Variants in ADAMTSL1 observed in about 807,000 individuals in gnomAD.
ADAMTSL1 encodes ADAMTS-like protein 1.
Under a neutral mutation model 201.8 loss-of-function variants are expected in ADAMTSL1, and 126 were observed. That is an observed-to-expected ratio of 0.62 (90% confidence interval 0.54 to 0.72). The LOEUF is 0.72. ADAMTSL1 is among the 30% of genes least tolerant of loss of function. The probability of loss-of-function intolerance (pLI) is 0.00; values close to 1 mark genes in which losing one functional copy is unlikely to be tolerated. For synonymous variants in ADAMTSL1, 1,121 were observed against 903.4 expected (o/e 1.24, Z -4.32); for missense variants, 2,679 against 2,277.8 (o/e 1.18, Z -3.59).
rs372362341 is a variant in ADAMTSL1, at chr9:18,753,484, C to G, written c.2193C>G (p.Ala731=). ...GTAACCGCTTTAATTGCCCCCCAGC[C>G]TGGTACCCTGCACAGTGGCAGCCGG... ...QACNRFNCPP[A]WYPAQWQPCS... Residue 731 remains alanine (A), a synonymous_variant, in exon 16 of 29, where the codon GCC becomes GCG. Transcript: ENST00000380548. 4.5e-5 allele frequency: 72 copies of G among 1,612,782 alleles called. No individual in the cohort carries two copies. The East Asian group carries it at 1.2e-3, about 28-fold the overall frequency.
intron 3 of ADAMTSL1, among the ~76,000 whole-genome samples, chr9:18,544,478 G>A (rs1164384104): frequency 1.3e-5 from 2 of 152,054 alleles, no homozygotes; most frequent in Non-Finnish European, 2.9e-5. Context: ...TATACTTAAA[G>A]GGCCATAGGA....
chr9:18,826,217 C>T (rs1824546627), intron 21 of ADAMTSL1, 67 bp from the exon 22 acceptor site: 2 of 1,541,116 alleles, frequency 1.3e-6, no homozygotes, highest in Non-Finnish European at 8.8e-7. Context: ...GCTATAAATG[C>T]CTCTGGGCTC....
At chr9:18,054,282 G>A (rs143340260) in intron 1 of ADAMTSL1, among the ~76,000 whole-genome samples, 197 of 152,208 alleles carry the variant, frequency 1.3e-3, no homozygotes, top group African/African-American at 4.2e-3. Context: ...CTGAGAAAAC[G>A]TCTATTCAAA....
chr9:18,843,049 T>G (rs1402385228), intron 23 of ADAMTSL1, among the ~76,000 whole-genome samples: 4 of 152,090 alleles, frequency 2.6e-5, no homozygotes, highest in Admixed American at 2.0e-4. Context: ...AAGTTAATAT[T>G]GTTATGTGTG....
chr9:18,885,027 G>A (rs999612170), intron 23 of ADAMTSL1, among the ~76,000 whole-genome samples: 1 of 152,096 alleles, frequency 6.6e-6, no homozygotes, highest in South Asian at 2.1e-4. Context: ...AACATGAGAT[G>A]TCCTCCCATG....
chr9:18,240,963 T>G (rs1312759681), intron 2 of ADAMTSL1, among the ~76,000 whole-genome samples: 1 of 152,220 alleles, frequency 6.6e-6, no homozygotes, highest in Non-Finnish European at 1.5e-5. Flanking sequence ...TGAAGAGAGT[T>G]AGGGCCTTGC....
chr9:18,624,389 G>T (rs1345386646), intron 5 of ADAMTSL1, among the ~76,000 whole-genome samples: 1 of 152,128 alleles, frequency 6.6e-6, no homozygotes, highest in Non-Finnish European at 1.5e-5. Context: ...TTGGATGTTA[G>T]AAAAGAGTTA....
chr9:18,866,304 A>G (rs1563871556), intron 23 of ADAMTSL1, among the ~76,000 whole-genome samples: 1 of 152,140 alleles, frequency 6.6e-6, no homozygotes, highest in African/African-American at 2.4e-5. Context: ...GGCAATCCAT[A>G]GAGAGCACTG....
chr9:18,230,460 A>T (rs1587359585), intron 2 of ADAMTSL1, among the ~76,000 whole-genome samples: 1 of 152,140 alleles, frequency 6.6e-6, no homozygotes, highest in Non-Finnish European at 1.5e-5. Flanking sequence ...AAATACTGTT[A>T]TACTTGGGGA....
In ADAMTSL1 at chr9:18,777,241, C is replaced by T. The variant is rs114419702; in HGVS notation, c.3012C>T (p.Asn1004=). 3.6e-3 allele frequency: 5,861 copies of T among 1,612,530 alleles called. 182 individuals carry two copies. The African/African-American group carries it at 0.068, about 19-fold the overall frequency. The change falls in exon 19 of 29, where the codon AAC becomes AAT. Residue 1004 remains asparagine (N), a synonymous_variant. Coordinates refer to ENST00000380548, the MANE Select transcript of ADAMTSL1 (RefSeq NM_001040272.6). Reference sequence around the variant, plus strand: ...AACACCAGAACGGGATCTTCTCCAACGGCAGCAAGGCGGAGAAGCGGGGCC... The same window carrying T: ...AACACCAGAACGGGATCTTCTCCAATGGCAGCAAGGCGGAGAAGCGGGGCC... ...THKHQNGIFS[N]GSKAEKRGLA...
At chr9:18,840,378 C>G (rs1471309712) in intron 23 of ADAMTSL1, among the ~76,000 whole-genome samples, 1 of 152,136 alleles carries the variant, frequency 6.6e-6, no homozygotes. Context: ...GGACTCTGTT[C>G]TGTTCCATTG....
intron 2 of ADAMTSL1, among the ~76,000 whole-genome samples, chr9:18,382,342 C>T (rs1478047331): frequency 6.6e-6 from 1 of 152,186 alleles, no homozygotes; most frequent in African/African-American, 2.4e-5. Context: ...TGCCACATCT[C>T]ACAGTCTTAT....
intron 3 of ADAMTSL1, among the ~76,000 whole-genome samples, chr9:18,544,044 G>T (rs1316330220): frequency 6.6e-6 from 1 of 152,228 alleles, no homozygotes; most frequent in South Asian, 2.1e-4. Flanking sequence ...ATACAGGCTT[G>T]GGGGCTCTGT....
At chr9:18,173,703 T>C (rs1201155209) in intron 2 of ADAMTSL1, among the ~76,000 whole-genome samples, 2 of 152,140 alleles carry the variant, frequency 1.3e-5, no homozygotes, top group African/African-American at 4.8e-5. Flanking sequence ...AGACAGATTT[T>C]TAGGCTCAGA....
At chr9:18,603,218 A>G (rs1824775302) in intron 4 of ADAMTSL1, among the ~76,000 whole-genome samples, 1 of 152,070 alleles carries the variant, frequency 6.6e-6, no homozygotes, top group Non-Finnish European at 1.5e-5. Context: ...TGGAGGTATG[A>G]TTGGTACCAT....
chr9:18,058,765 C>T (rs1443490712), intron 1 of ADAMTSL1, among the ~76,000 whole-genome samples: 1 of 152,134 alleles, frequency 6.6e-6, no homozygotes, highest in Non-Finnish European at 1.5e-5. Context: ...TGTGTCTCTA[C>T]ACCATTTTCT....
At chr9:18,461,551 A>T (rs911457363) in intron 2 of ADAMTSL1, among the ~76,000 whole-genome samples, 6 of 152,072 alleles carry the variant, frequency 3.9e-5, no homozygotes, top group African/African-American at 1.4e-4. Flanking sequence ...ACATAGATTA[A>T]TTTTTCTTAC....
chr9:18,015,763 C>T (rs1276044219), intron 1 of ADAMTSL1, among the ~76,000 whole-genome samples: 2 of 151,992 alleles, frequency 1.3e-5, no homozygotes, highest in Non-Finnish European at 2.9e-5. Flanking sequence ...TCATTGGAAA[C>T]ACCTATGATT....
At chr9:17,925,682 A>T (rs953680005) in intron 1 of ADAMTSL1, among the ~76,000 whole-genome samples, 14 of 129,214 alleles carry the variant, frequency 1.1e-4, no homozygotes, top group Non-Finnish European at 2.2e-4. Flanking sequence ...AGGAAGGGGA[A>T]TATCACACTC....
Sources: gnomAD v4.1 joint callset for allele counts (sites outside exome capture counted in the v4.1 genomes callset) on GRCh38, gnomAD v4.1.1 for gene constraint, MANE v1.5 for transcripts, NCBI Gene and HGNC (gene_info 2026-07-23, HGNC 2026-07-21) for gene names.